CDH18: variants seen among roughly 807,000 people sequenced by gnomAD.
CDH18 encodes cadherin-18.
In CDH18, 31 loss-of-function variants were observed where a neutral mutation model predicts 67.9. The ratio of observed to expected loss-of-function variants is 0.46; its 90% CI spans 0.34 to 0.62. The LOEUF (loss-of-function observed/expected upper bound fraction) is 0.62, where lower values mean the gene tolerates loss of function less well. Ranked by LOEUF, CDH18 falls within the 20% of genes least tolerant of loss-of-function variation. The pLI, the probability that CDH18 is intolerant of heterozygous loss-of-function variation, is 0.01. For missense variants in CDH18, 890 were observed against 975.5 expected, an observed-to-expected ratio of 0.91 and a Z score of 1.17; for synonymous variants, 362 against 347.2, an observed-to-expected ratio of 1.04 and a Z score of -0.48.
At chr5:20,482,864 C>T (rs78430870) in intron 1 of CDH18, among the ~76,000 whole-genome samples, 2,042 of 152,108 alleles carry the variant, frequency 0.013, 56 homozygotes, top group African/African-American at 0.047. Flanking sequence ...GATCTCAAAA[C>T]TTGACAAGGA....
At chr5:20,162,820 A>G (rs1370931577) in intron 2 of CDH18, among the ~76,000 whole-genome samples, 1 of 151,984 alleles carries the variant, frequency 6.6e-6, no homozygotes, top group African/African-American at 2.4e-5. Context: ...GAACTTTGGG[A>G]GGCCAAGGCA....
At chr5:20,177,132 G>A (rs1258817557) in intron 2 of CDH18, among the ~76,000 whole-genome samples, 3 of 151,962 alleles carry the variant, frequency 2.0e-5, no homozygotes, top group South Asian at 2.1e-4. Flanking sequence ...TGACTTGTGA[G>A]GCACATCAAG....
intron 8 of CDH18, among the ~76,000 whole-genome samples, chr5:19,554,332 T>C (rs1737999941): frequency 6.6e-6 from 1 of 152,130 alleles, no homozygotes; most frequent in East Asian, 1.9e-4. Context: ...AAAACCTTAT[T>C]AGAATTTTTT....
intron 1 of CDH18, among the ~76,000 whole-genome samples, chr5:20,548,325 C>T (rs1358912740): frequency 6.6e-6 from 1 of 151,594 alleles, no homozygotes; most frequent in Non-Finnish European, 1.5e-5. Flanking sequence ...ATAAGTCTGC[C>T]AGTTGCAATA....
chr5:19,882,790 C>T lies in CDH18; in HGVS notation c.-256-43548G>A, dbSNP rs140862397. 1.9e-4 allele frequency among the ~76,000 whole-genome samples: 29 copies of T among 152,008 alleles called. No individual in the cohort carries two copies. The East Asian group carries it at 5.2e-3, about 27-fold the overall frequency. ...CCTAAGAGAATGCCAGAAAAAAATA[C>T]GTATGTATGATTATGGAATAGATAT... On this transcript the variant is annotated intron_variant, in intron 2 of 12. Transcript: ENST00000382275.
chr5:20,136,814 T>C (rs180997726), intron 2 of CDH18, among the ~76,000 whole-genome samples: 2 of 152,324 alleles, frequency 1.3e-5, no homozygotes, highest in African/African-American at 4.8e-5. Context: ...TATTTGCTTG[T>C]CTGTAAAGGA....
chr5:19,734,849 G>A (rs1386723468), intron 4 of CDH18, among the ~76,000 whole-genome samples: 1 of 152,108 alleles, frequency 6.6e-6, no homozygotes, highest in African/African-American at 2.4e-5. Context: ...TATGGTCTCT[G>A]ACATGTCAAG....
chr5:20,574,154 C>G (rs1758984055), intron 1 of CDH18, among the ~76,000 whole-genome samples: 1 of 151,270 alleles, frequency 6.6e-6, no homozygotes, highest in Non-Finnish European at 1.5e-5. Context: ...TAGGAAGCAT[C>G]TAAATATCAT....
chr5:19,900,410 A>G (rs2150110399), intron 2 of CDH18, among the ~76,000 whole-genome samples: 1 of 152,310 alleles, frequency 6.6e-6, no homozygotes, highest in East Asian at 1.9e-4. Flanking sequence ...CAAATAAATG[A>G]TAAATGTTTA....
chr5:19,682,355 G>C (rs1341343876), intron 5 of CDH18, among the ~76,000 whole-genome samples: 1 of 151,964 alleles, frequency 6.6e-6, no homozygotes, highest in Admixed American at 6.6e-5. Flanking sequence ...GGCACTCTCA[G>C]AACCAGCTCA....
At chr5:20,216,728 C>T (rs1463455261) in intron 2 of CDH18, among the ~76,000 whole-genome samples, 1 of 151,856 alleles carries the variant, frequency 6.6e-6, no homozygotes, top group Non-Finnish European at 1.5e-5. Flanking sequence ...GAGAAAACAG[C>T]AACATCAGCA....
At chr5:20,229,537 A>C (rs1741899527) in intron 2 of CDH18, among the ~76,000 whole-genome samples, 1 of 152,150 alleles carries the variant, frequency 6.6e-6, no homozygotes, top group Non-Finnish European at 1.5e-5. Context: ...TGTGCAATTA[A>C]AAATATGCTT....
intron 5 of CDH18, among the ~76,000 whole-genome samples, chr5:19,687,841 A>G (rs1303614734): frequency 1.3e-5 from 2 of 152,166 alleles, no homozygotes; most frequent in East Asian, 3.9e-4. Context: ...CTATCTGTCC[A>G]CACCACTGCT....
intron 2 of CDH18, among the ~76,000 whole-genome samples, chr5:19,903,541 G>GTGTATATATATATATATATATATA (rs374931710): frequency 1.6e-5 from 2 of 124,766 alleles, no homozygotes; most frequent in African/African-American, 5.7e-5. Flanking sequence ...GTGTGTGTGT[G>GTGTATATATATATATATATATATA]TATATATATA....
chr5:20,153,367 C>T (rs1751270418), intron 2 of CDH18, among the ~76,000 whole-genome samples: 2 of 152,092 alleles, frequency 1.3e-5, no homozygotes, highest in African/African-American at 4.8e-5. Context: ...AGTCTGTATT[C>T]TCTACCTTTT....
intron 3 of CDH18, among the ~76,000 whole-genome samples, chr5:19,772,515 CAG>C (rs1466333709): frequency 6.6e-6 from 1 of 152,040 alleles, no homozygotes; most frequent in African/African-American, 2.4e-5. Context: ...TGAAAAAAAA[CAG>C]AATCTCCTTT....
intron 1 of CDH18, among the ~76,000 whole-genome samples, chr5:20,533,891 T>C (rs1756559227): frequency 6.6e-6 from 1 of 152,080 alleles, no homozygotes; most frequent in Non-Finnish European, 1.5e-5. Context: ...TAAAATTTTA[T>C]ATTAATCAAA....
intron 1 of CDH18, among the ~76,000 whole-genome samples, chr5:20,476,217 G>A (rs1218872242): frequency 6.6e-6 from 1 of 152,118 alleles, no homozygotes. Flanking sequence ...TTTCAGCATA[G>A]TAAGCATAGT....
intron 8 of CDH18, among the ~76,000 whole-genome samples, chr5:19,569,173 A>G (rs902646864): frequency 6.6e-6 from 1 of 152,318 alleles, no homozygotes; most frequent in Non-Finnish European, 1.5e-5. Flanking sequence ...AGACCTTACC[A>G]TTGCAGAAAG....
Sources: gnomAD v4.1 joint callset for allele counts (sites outside exome capture counted in the v4.1 genomes callset) on GRCh38, gnomAD v4.1.1 for gene constraint, MANE v1.5 for transcripts, NCBI Gene and HGNC (gene_info 2026-07-23, HGNC 2026-07-21) for gene names.